Variants in PLA2G6 observed in about 807,000 individuals in gnomAD.
PLA2G6 encodes the protein phospholipase A2 group VI, also known as 85/88 kDa calcium-independent phospholipase A2.
A neutral mutation model predicts 83.8 loss-of-function variants in PLA2G6; 62 were observed. The observed-to-expected ratio is 0.74, with a 90% CI of 0.60 to 0.91. The LOEUF is 0.91. PLA2G6 is among the 40% of genes least tolerant of loss of function. The probability of loss-of-function intolerance (pLI) is 0.00; values close to 1 mark genes in which losing one functional copy is unlikely to be tolerated. For synonymous variants in PLA2G6, 417 were observed against 449.8 expected, an observed-to-expected ratio of 0.93 and a Z score of 0.92; for missense variants, 944 against 1,102.0, an observed-to-expected ratio of 0.86 and a Z score of 2.03.
chr22:38,119,348 A>G (rs1443184414), intron 12 of PLA2G6, among the ~76,000 whole-genome samples: 2 of 152,196 alleles, frequency 1.3e-5, no homozygotes, highest in Non-Finnish European at 2.9e-5. Flanking sequence ...GACTTCACAG[A>G]TGGGGCTGGG....
chr22:38,158,170 C>CT lies in PLA2G6; in HGVS notation c.209+11047dup, dbSNP rs558539609. On this transcript the variant is annotated intron_variant, in intron 2 of 16. Transcript: ENST00000332509. The stretch of plus-strand genomic sequence containing the variant: ...GGTCAAGATATTTTCTTTTTCTTTT[C>CT]TTTTTTTTTTTTTTTTGAGATGAAG... Among the ~76,000 whole-genome samples, 1,244 of 136,442 alleles carry CT rather than the reference C, an allele frequency of 9.1e-3. 14 individuals carry two copies. The highest frequency in any genetic ancestry group is 0.014 in the African/African-American group (519 of 37,598). 89.5% of individuals were successfully genotyped at this position (136,442 alleles called of 152,430 possible). A position where few individuals can be genotyped will look rare whatever the true frequency, so the allele number is the denominator to read the frequency against.
chr22:38,123,900 A>G lies in PLA2G6; in HGVS notation c.1428-642T>C, dbSNP rs926578069. On this transcript the variant is annotated intron_variant, in intron 10 of 16. Coordinates refer to ENST00000332509, the MANE Select transcript of PLA2G6 (RefSeq NM_003560.4). The surrounding 1 kb of genome is among the most constrained non-coding windows in gnomAD (Gnocchi z 4.1). ...GCCCAGGCTGGAGTGCAATAACGCG[A>G]TCTCGGCTCACCGCAACCTCTGCCT... 6.6e-6 allele frequency among the ~76,000 whole-genome samples: 1 copy of G among 152,100 alleles called. No individual in the cohort carries two copies. Among genetic ancestry groups the G allele is most frequent in the Non-Finnish European group, 1.5e-5 (1 of 68,000 alleles).
chr22:38,154,530 G>A (rs929272019), intron 2 of PLA2G6, among the ~76,000 whole-genome samples: 1 of 152,260 alleles, frequency 6.6e-6, no homozygotes, highest in Non-Finnish European at 1.5e-5. Flanking sequence ...GTCTGCAAGA[G>A]CCATAGTATT....
At chr22:38,148,238 A>T in intron 2 of PLA2G6, 1 of 416,936 alleles carries the variant, frequency 2.4e-6, no homozygotes, top group Non-Finnish European at 4.4e-6. Flanking sequence ...AAGATTGCAA[A>T]GATAGATATT....
chr22:38,120,144 G>A (rs1284757010), intron 12 of PLA2G6, among the ~76,000 whole-genome samples: 1 of 152,158 alleles, frequency 6.6e-6, no homozygotes, highest in Non-Finnish European at 1.5e-5. Flanking sequence ...GCCCCGAACG[G>A]GATGCATTGC....
At chr22:38,170,990 G>A (rs1325660435) in intron 1 of PLA2G6, among the ~76,000 whole-genome samples, 2 of 152,074 alleles carry the variant, frequency 1.3e-5, no homozygotes, top group Non-Finnish European at 2.9e-5. Context: ...GACCAACATG[G>A]AGAAACCCCG....
At position 38,113,467 on chromosome 22, in the gene PLA2G6, G is replaced by A; in HGVS notation, c.2202+20C>T. The A allele has an allele frequency of 1.2e-6, 2 of 1,613,080 alleles. No individual in the cohort carries two copies. The highest frequency in any genetic ancestry group is 8.5e-7 in the Non-Finnish European group (1 of 1,179,256). ...TACAGACCCTGAGGGAAGTGGCCTGGGGGAGGGGCCCACACTCACACAGTC... is the reference window on the plus strand; with the variant it reads ...TACAGACCCTGAGGGAAGTGGCCTGAGGGAGGGGCCCACACTCACACAGTC... On this transcript the variant is annotated intron_variant, in intron 15 of 16. Transcript: ENST00000332509.
At chr22:38,168,496 C>CT (rs1460000852) in intron 2 of PLA2G6, among the ~76,000 whole-genome samples, 3 of 152,342 alleles carry the variant, frequency 2.0e-5, no homozygotes, top group Admixed American at 6.5e-5. Flanking sequence ...GGCAACAGCT[C>CT]TGTCCAGCCT....
chr22:38,117,453 C>T (rs1349755564), intron 12 of PLA2G6, among the ~76,000 whole-genome samples: 12 of 152,154 alleles, frequency 7.9e-5, no homozygotes, highest in South Asian at 4.1e-4. Context: ...CCTCGGCCTC[C>T]CAAAGTGCTG....
At chr22:38,131,815 G>A (rs1370920119) in intron 7 of PLA2G6, 4 of 273,042 alleles carry the variant, frequency 1.5e-5, no homozygotes, top group South Asian at 9.8e-5. Flanking sequence ...ACGGTGGGGC[G>A]CGGTGGCTCA....
rs1435660075 is a variant in PLA2G6 at position 38,132,816 on chromosome 22, C to T, written c.1077+15G>A. 2.3e-5 allele frequency: 36 copies of T among 1,538,850 alleles called. No individual in the cohort carries two copies. The highest frequency in any genetic ancestry group is 3.9e-5 in the Admixed American group (2 of 51,010). On this transcript the variant is annotated intron_variant, in intron 7 of 16. Transcript: ENST00000332509. This position sits in a 1 kb window ranked among gnomAD's most constrained non-coding sequence, Gnocchi z 5.0. ...CCGGGGCCCCACAGGGCAGGACACG[C>T]GGTCCTGGGCTCACCGACATGGCCA...
chr22:38,124,117 G>A (rs988176646), intron 10 of PLA2G6, among the ~76,000 whole-genome samples: 1 of 152,082 alleles, frequency 6.6e-6, no homozygotes, highest in Non-Finnish European at 1.5e-5. Flanking sequence ...TTACAGGCAC[G>A]AGCCACCGTG....
intron 12 of PLA2G6, among the ~76,000 whole-genome samples, chr22:38,118,757 T>TG (rs1162523073): frequency 5.3e-5 from 8 of 151,628 alleles, no homozygotes; most frequent in African/African-American, 1.7e-4. Context: ...GTTTTTGTTT[T>TG]TTTTTTTTTG....
At chr22:38,158,480 T>C (rs549117366) in intron 2 of PLA2G6, among the ~76,000 whole-genome samples, 1 of 152,370 alleles carries the variant, frequency 6.6e-6, no homozygotes, top group Admixed American at 6.5e-5. Flanking sequence ...CACGTCAAGA[T>C]ATTTTCTAAA....
intron 3 of PLA2G6, 161 bp downstream of exon 3, chr22:38,145,277 C>T (rs1602183091): frequency 1.4e-6 from 1 of 703,842 alleles, no homozygotes. Context: ...GATCCTCCCT[C>T]CTCAGCCTCC....
At chr22:38,163,078 T>C (rs1036043930) in intron 2 of PLA2G6, among the ~76,000 whole-genome samples, 1 of 152,136 alleles carries the variant, frequency 6.6e-6, no homozygotes, top group Non-Finnish European at 1.5e-5. Flanking sequence ...AGTGGCTGTG[T>C]GAGCCTGTTC....
intron 2 of PLA2G6, among the ~76,000 whole-genome samples, chr22:38,156,175 AG>A (rs2089770344): frequency 6.6e-6 from 1 of 152,250 alleles, no homozygotes; most frequent in African/African-American, 2.4e-5. Context: ...AGATATATAA[AG>A]GAAGTATTCT....
At chr22:38,127,142 ACT>A in intron 9 of PLA2G6, 1 of 1,135,206 alleles carries the variant, frequency 8.8e-7, no homozygotes, top group Non-Finnish European at 1.1e-6. Flanking sequence ...CGTGACCCCA[ACT>A]CTGACAGCCC....
chr22:38,125,070 T>C (rs4820316), intron 10 of PLA2G6, among the ~76,000 whole-genome samples: 146,618 of 152,352 alleles, frequency 0.96, 70,583 homozygotes, highest in East Asian at 1. Context: ...GGGTCCCCCC[T>C]TCAGGTGCAG....
Sources: gnomAD v4.1 joint callset for allele counts (sites outside exome capture counted in the v4.1 genomes callset) on GRCh38, gnomAD v4.1.1 for gene constraint, Gnocchi (gnomAD v3.1) non-coding constraint, MANE v1.5 for transcripts, NCBI Gene and HGNC (gene_info 2026-07-23, HGNC 2026-07-21) for gene names.